CDYL2: variants seen among roughly 807,000 people sequenced by gnomAD.
CDYL2 encodes chromodomain Y-like protein 2.
CDYL2 carries 23 observed loss-of-function variants against 49.4 expected under a neutral mutation model. The observed-to-expected ratio is 0.47, with a 90% CI of 0.34 to 0.66. The LOEUF (loss-of-function observed/expected upper bound fraction) is 0.66, where lower values mean the gene tolerates loss of function less well. Among genes scored for constraint, CDYL2 ranks in the 30% least tolerant of loss-of-function variants. The probability of loss-of-function intolerance (pLI) is 0.01; values close to 1 mark genes in which losing one functional copy is unlikely to be tolerated. For missense variants in CDYL2, 678 were observed against 656.4 expected, an observed-to-expected ratio of 1.03 and a Z score of -0.36; for synonymous variants, 360 against 268.8, an observed-to-expected ratio of 1.34 and a Z score of -3.32.
At chr16:80,715,816 T>C (rs536312264) in intron 1 of CDYL2, among the ~76,000 whole-genome samples, 3 of 152,182 alleles carry the variant, frequency 2.0e-5, no homozygotes, top group Admixed American at 2.0e-4. Flanking sequence ...TATGGAATCA[T>C]CCATGGCCCC....
At chr16:80,740,015 G>C (rs1222803171) in intron 1 of CDYL2, among the ~76,000 whole-genome samples, 4 of 152,218 alleles carry the variant, frequency 2.6e-5, no homozygotes, top group African/African-American at 9.6e-5. Context: ...TGGCTGTGGA[G>C]GGTGGTGGGT....
At chr16:80,608,047 T>C (rs904948514) in intron 6 of CDYL2, 45 bp downstream of exon 6, 9 of 1,519,582 alleles carry the variant, frequency 5.9e-6, no homozygotes, top group African/African-American at 5.5e-5. Context: ...ATGTGTAAAA[T>C]GGGTCTATCA....
chr16:80,724,148 G>A (rs2142529460), intron 1 of CDYL2, among the ~76,000 whole-genome samples: 1 of 149,846 alleles, frequency 6.7e-6, no homozygotes, highest in Non-Finnish European at 1.5e-5. Flanking sequence ...TAAAAAAGAA[G>A]AGAAAGAAGA....
intron 2 of CDYL2, among the ~76,000 whole-genome samples, chr16:80,649,649 A>G (rs1908500435): frequency 6.6e-6 from 1 of 152,192 alleles, no homozygotes; most frequent in Non-Finnish European, 1.5e-5. Flanking sequence ...AAAGACCCAG[A>G]ATAGCCAATG....
At chr16:80,772,476 G>A (rs1056047338) in intron 1 of CDYL2, among the ~76,000 whole-genome samples, 6 of 152,098 alleles carry the variant, frequency 3.9e-5, no homozygotes, top group African/African-American at 7.2e-5. Flanking sequence ...TTTGGGAGAC[G>A]GAGTCTCCCT....
chr16:80,621,369 C>T (rs187366007), intron 3 of CDYL2, among the ~76,000 whole-genome samples: 105 of 152,384 alleles, frequency 6.9e-4, no homozygotes, highest in African/African-American at 2.5e-3. Flanking sequence ...TACATCCTTG[C>T]TCATCTTTCC....
chr16:80,631,049 A>G (rs1484986816), intron 3 of CDYL2, among the ~76,000 whole-genome samples: 2 of 152,200 alleles, frequency 1.3e-5, no homozygotes, highest in Non-Finnish European at 2.9e-5. Context: ...GGGGTCTCGG[A>G]GTTAAATGTC....
chr16:80,757,644 CTA>C (rs1295232833), intron 1 of CDYL2, among the ~76,000 whole-genome samples: 1 of 150,342 alleles, frequency 6.7e-6, no homozygotes, highest in African/African-American at 2.5e-5. Context: ...TATTTGATAT[CTA>C]TATATTTATT....
intron 1 of CDYL2, among the ~76,000 whole-genome samples, chr16:80,733,015 C>T (rs1441614670): frequency 6.6e-6 from 1 of 152,044 alleles, no homozygotes; most frequent in Admixed American, 6.6e-5. Context: ...TCAAAACAGA[C>T]TCAAAGATCC....
At chr16:80,689,715 C>A (rs1294807277) in intron 1 of CDYL2, among the ~76,000 whole-genome samples, 1 of 152,182 alleles carries the variant, frequency 6.6e-6, no homozygotes, top group Non-Finnish European at 1.5e-5. Flanking sequence ...CACTGATACG[C>A]GAGGCACCAG....
At chr16:80,695,371 A>G (rs906239961) in intron 1 of CDYL2, among the ~76,000 whole-genome samples, 3 of 152,262 alleles carry the variant, frequency 2.0e-5, no homozygotes, top group Admixed American at 6.5e-5. Context: ...ACAACCACAA[A>G]GCAAATGACA....
intron 2 of CDYL2, among the ~76,000 whole-genome samples, chr16:80,642,185 G>A (rs1045741772): frequency 6.6e-6 from 1 of 152,206 alleles, no homozygotes; most frequent in Non-Finnish European, 1.5e-5. Flanking sequence ...GCTCACGCCT[G>A]TAATCCCAGC....
rs80004552 is a variant in CDYL2, at chr16:80,656,803, G to T, written c.617-23567C>A. ...GCACAACACTGACACAAAGCAGTCA[G>T]TGGGGTGGGAGAGGGGAGGGAAGAT... On this transcript the variant is annotated intron_variant, in intron 2 of 6. Coordinates refer to ENST00000570137, the MANE Select transcript of CDYL2 (RefSeq NM_152342.4). Among the ~76,000 whole-genome samples, 1,378 of 152,282 alleles carry T rather than the reference G, an allele frequency of 9.0e-3. 23 individuals are homozygous for T. The highest frequency in any genetic ancestry group is 0.032 in the African/African-American group (1,311 of 41,554).
At chr16:80,632,442 G>T (rs1016874756) in intron 3 of CDYL2, among the ~76,000 whole-genome samples, 2 of 152,218 alleles carry the variant, frequency 1.3e-5, no homozygotes, top group Admixed American at 6.5e-5. Context: ...TTTCATGTGG[G>T]TGAGGTTTCT....
At position 80,619,372 on chromosome 16, in the gene CDYL2, G is replaced by C. The variant is rs1310334929; in HGVS notation, c.1007+1391C>G. ...CTACAAGGGGTCTGCATGCTAATGAGCTGCTCGTGCATGGAGTGAAAACGA... is the reference window on the plus strand; with the variant it reads ...CTACAAGGGGTCTGCATGCTAATGACCTGCTCGTGCATGGAGTGAAAACGA... On this transcript the variant is annotated intron_variant, in intron 4 of 6. Coordinates refer to ENST00000570137, the MANE Select transcript of CDYL2 (RefSeq NM_152342.4). Among the ~76,000 whole-genome samples the C allele has an allele frequency of 2.0e-5, 3 of 152,226 alleles. No individual in the cohort carries two copies. In the East Asian group the frequency reaches 5.8e-4, roughly 29 times the overall value.
intron 3 of CDYL2, among the ~76,000 whole-genome samples, chr16:80,624,110 G>A (rs1195714665): frequency 6.6e-6 from 1 of 152,102 alleles, no homozygotes; most frequent in Non-Finnish European, 1.5e-5. Context: ...CAGCAACACT[G>A]CGTATCTAGA....
chr16:80,726,025 T>C (rs1257834816), intron 1 of CDYL2, among the ~76,000 whole-genome samples: 1 of 152,226 alleles, frequency 6.6e-6, no homozygotes, highest in Non-Finnish European at 1.5e-5. Context: ...CCATTATGTA[T>C]GTCTGAGTCA....
rs181477531 is a variant in CDYL2, at chr16:80,720,077, T to A, written c.25-34948A>T. ...GCCTTTAGTGGTCGAGCAAATAATA[T>A]TTAGGCAGAAATGGGCAGGTAGAGA... On this transcript the variant is annotated intron_variant, in intron 1 of 6. Coordinates refer to ENST00000570137, the MANE Select transcript of CDYL2 (RefSeq NM_152342.4). 2.5e-3 allele frequency among the ~76,000 whole-genome samples: 379 copies of A among 152,308 alleles called. 2 individuals carry two copies. The highest frequency in any genetic ancestry group is 8.5e-3 in the African/African-American group (353 of 41,564).
At chr16:80,640,516 A>G (rs1908037079) in intron 2 of CDYL2, among the ~76,000 whole-genome samples, 1 of 152,078 alleles carries the variant, frequency 6.6e-6, no homozygotes, top group Non-Finnish European at 1.5e-5. Flanking sequence ...GGCTACAGGG[A>G]GAGATAAATA....
Sources: gnomAD v4.1 joint callset for allele counts (sites outside exome capture counted in the v4.1 genomes callset) on GRCh38, gnomAD v4.1.1 for gene constraint, MANE v1.5 for transcripts, NCBI Gene and HGNC (gene_info 2026-07-23, HGNC 2026-07-21) for gene names.